The following ERCC6L2 variants were observed in gnomAD, a reference collection of about 807,000 sequenced individuals.
ERCC6L2 encodes DNA excision repair protein ERCC-6-like 2.
In ERCC6L2, 77 loss-of-function variants were observed where a neutral mutation model predicts 132.0. The ratio of observed to expected loss-of-function variants is 0.58; its 90% confidence interval spans 0.49 to 0.71. ERCC6L2 has a LOEUF of 0.71. ERCC6L2 is among the 30% of genes least tolerant of loss of function. The probability of loss-of-function intolerance (pLI) is 0.00; values close to 1 mark genes in which losing one functional copy is unlikely to be tolerated. For missense variants in ERCC6L2, 1,542 were observed against 1,837.6 expected, an observed-to-expected ratio of 0.84 and a Z score of 2.94; for synonymous variants, 583 against 632.4, an observed-to-expected ratio of 0.92 and a Z score of 1.17.
intron 3 of ERCC6L2, among the ~76,000 whole-genome samples, chr9:95,901,340 C>T (rs1291316493): frequency 6.6e-6 from 1 of 151,990 alleles, no homozygotes; most frequent in East Asian, 1.9e-4. Context: ...TGAGCCCTAA[C>T]ACTCACCATA....
At chr9:95,942,943 T>C (rs1476150786) in intron 12 of ERCC6L2, among the ~76,000 whole-genome samples, 1 of 152,086 alleles carries the variant, frequency 6.6e-6, no homozygotes, top group Non-Finnish European at 1.5e-5. Flanking sequence ...AGATACATTG[T>C]TAACAAAGAA....
chr9:95,906,661 A>G (rs1193632268), intron 3 of ERCC6L2: 1 of 457,204 alleles, frequency 2.2e-6, no homozygotes, highest in Admixed American at 2.3e-5. Context: ...ATGCAGAAGG[A>G]AAGAGAGCTC....
chr9:96,034,481 C>G (rs780445494), intron 19 of ERCC6L2, among the ~76,000 whole-genome samples: 9 of 152,184 alleles, frequency 5.9e-5, no homozygotes, highest in Non-Finnish European at 8.8e-5. Flanking sequence ...GCAAAGGAGG[C>G]TGGTGTGGAA....
At position 96,031,023 on chromosome 9, in the gene ERCC6L2, T is replaced by C. The variant is rs1169589278; in HGVS notation, c.*1504-7853T>C. On this transcript the variant is annotated intron_variant and NMD_transcript_variant, in intron 19 of 20. Coordinates refer to the ERCC6L2 transcript ENST00000670016. ...AAAGCATCTTCCTTCAGGATAGTCATCTCAGTGTCCTCGTGTCTTCCCATA... is the reference window on the plus strand; with the variant it reads ...AAAGCATCTTCCTTCAGGATAGTCACCTCAGTGTCCTCGTGTCTTCCCATA... Among the ~76,000 whole-genome samples, 3 of 152,308 alleles carry C rather than the reference T, an allele frequency of 2.0e-5. No individual in the cohort carries two copies. In the East Asian group the frequency reaches 5.8e-4, roughly 29 times the overall value.
At chr9:95,980,315 A>T (rs1052313652) in intron 17 of ERCC6L2, among the ~76,000 whole-genome samples, 4 of 152,204 alleles carry the variant, frequency 2.6e-5, no homozygotes, top group African/African-American at 4.8e-5. Flanking sequence ...TATCTCCCTC[A>T]TCACACATAC....
At position 95,908,986 on chromosome 9, in the gene ERCC6L2, T is replaced by C. The variant is rs528415554; in HGVS notation, c.788+1715T>C. Reference sequence around the variant, plus strand: ...AAAAGAGAGTAAAAAAATCACTAATTAGCCATGTGGCTTTGGGTAAATTAG... The same window carrying C: ...AAAAGAGAGTAAAAAAATCACTAATCAGCCATGTGGCTTTGGGTAAATTAG... On this transcript the variant is annotated intron_variant, in intron 4 of 18. Transcript: ENST00000653738. Among the ~76,000 whole-genome samples, 7 of 152,308 alleles carry C rather than the reference T, an allele frequency of 4.6e-5. No homozygotes were observed. The East Asian group carries it at 1.4e-3, about 29-fold the overall frequency.
chr9:95,988,105 G>A (rs558661537), intron 17 of ERCC6L2, among the ~76,000 whole-genome samples: 32 of 152,280 alleles, frequency 2.1e-4, no homozygotes, highest in African/African-American at 7.7e-4. Context: ...CTGGGCCTCA[G>A]GGCCTGTGAT....
chr9:96,017,623 C>T lies in ERCC6L2; in HGVS notation c.*4420C>T, dbSNP rs1443115134. The stretch of plus-strand genomic sequence containing the variant: ...TTGTCAGGTTTGTCCCTGGGCAGGA[C>T]CCACCTGCCTGACCTTCTGTCCCCC... On this transcript the variant is annotated 3_prime_UTR_variant, in exon 19 of 19. Transcript: ENST00000653738. Among the ~76,000 whole-genome samples, 3 of 152,196 alleles carry T rather than the reference C, an allele frequency of 2.0e-5. No homozygotes were observed. Among genetic ancestry groups the T allele is most frequent in the African/African-American group, 7.2e-5 (3 of 41,444 alleles).
At chr9:96,018,460 A>T (rs1476388135), downstream of ERCC6L2, among the ~76,000 whole-genome samples, 2 of 141,218 alleles carry the variant, frequency 1.4e-5, no homozygotes, top group Non-Finnish European at 3.2e-5. Context: ...CACACATAGC[A>T]TTGTTTTTCT....
At position 95,909,552 on chromosome 9, in the gene ERCC6L2, C is replaced by G. The variant is rs149226198; in HGVS notation, c.788+2281C>G. Among the ~76,000 whole-genome samples the G allele has an allele frequency of 3.0e-4, 46 of 152,244 alleles. 1 individual carries two copies. Among genetic ancestry groups the G allele is most frequent in the African/African-American group, 9.9e-4 (41 of 41,548 alleles). On this transcript the variant is annotated intron_variant, in intron 4 of 18. Transcript: ENST00000653738. ...TACGGAGCATGTCAATGGTATTATA[C>G]AGGAAGCACCCTTTTGTGTGTGTCG...
At chr9:95,907,826 T>TAC (rs373670619) in intron 4 of ERCC6L2, among the ~76,000 whole-genome samples, 3,635 of 40,868 alleles carry the variant, frequency 0.089, 62 homozygotes, top group South Asian at 0.15. Context: ...GGGCAAAAAC[T>TAC]ACACACACAC....
intron 12 of ERCC6L2, among the ~76,000 whole-genome samples, chr9:95,955,293 C>T (rs115416673): frequency 0.024 from 3,686 of 152,274 alleles, 130 homozygotes; most frequent in African/African-American, 0.074. Context: ...TGATTAATTA[C>T]TTTTTGCTAA....
At chr9:95,959,680 A>C (rs968436106) in intron 13 of ERCC6L2, among the ~76,000 whole-genome samples, 4 of 152,104 alleles carry the variant, frequency 2.6e-5, no homozygotes, top group African/African-American at 7.2e-5. Context: ...AAACAAATTT[A>C]CAAGAAAAAA....
At chr9:95,899,600 A>ATATGTGTGTGTGTGTG (rs746946004) in intron 3 of ERCC6L2, among the ~76,000 whole-genome samples, 20 of 134,818 alleles carry the variant, frequency 1.5e-4, no homozygotes, top group Non-Finnish European at 3.1e-4. Context: ...TTATATATAT[A>ATATGTGTGTGTGTGTG]TGTGTGTGTG....
At chr9:95,883,039 G>T (rs1333547876) in intron 2 of ERCC6L2, among the ~76,000 whole-genome samples, 1 of 152,106 alleles carries the variant, frequency 6.6e-6, no homozygotes, top group Non-Finnish European at 1.5e-5. Context: ...GACCCTTCTG[G>T]TCCTAAAGCT....
intron 2 of ERCC6L2, among the ~76,000 whole-genome samples, chr9:95,893,762 C>G (rs190205585): frequency 5.9e-5 from 9 of 152,088 alleles, no homozygotes. Context: ...TTTGCCTTTT[C>G]TCTATTTTTT....
At chr9:95,990,328 G>A (rs912286240) in intron 17 of ERCC6L2, among the ~76,000 whole-genome samples, 23 of 152,192 alleles carry the variant, frequency 1.5e-4, no homozygotes, top group Non-Finnish European at 1.5e-4. Flanking sequence ...CCAACATGAA[G>A]GTATCAAGTA....
At chr9:96,020,716 C>T (rs747312935), downstream of ERCC6L2, 159 of 451,094 alleles carry the variant, frequency 3.5e-4, 1 homozygote, top group Non-Finnish European at 5.5e-4. Context: ...AAAGGAGAAA[C>T]ATGCTTTGCG....
intron 3 of ERCC6L2, among the ~76,000 whole-genome samples, chr9:95,902,784 A>G (rs1247126310): frequency 2.0e-5 from 3 of 152,076 alleles, no homozygotes; most frequent in African/African-American, 7.2e-5. Context: ...ACATTTCTTA[A>G]TGAGTGAAGC....
Sources: gnomAD v4.1 joint callset for allele counts (sites outside exome capture counted in the v4.1 genomes callset) on GRCh38, gnomAD v4.1.1 for gene constraint, MANE v1.5 for transcripts, NCBI Gene and HGNC (gene_info 2026-07-23, HGNC 2026-07-21) for gene names.